Variants in IQSEC1 observed in about 807,000 individuals in gnomAD.
The protein encoded by IQSEC1 is IQ motif and Sec7 domain ArfGEF 1.
In IQSEC1, 31 loss-of-function variants were observed where a neutral mutation model predicts 91.0. That is an observed-to-expected ratio of 0.34 (90% CI 0.26 to 0.46). IQSEC1 has a LOEUF of 0.46. Ranked by LOEUF, IQSEC1 falls within the 20% of genes least tolerant of loss-of-function variation. The pLI is 1.00. For synonymous variants in IQSEC1, 699 were observed against 662.6 expected (o/e 1.05, Z -0.84); for missense variants, 1,388 against 1,575.6 (o/e 0.88, Z 2.02).
rs371424429 is a variant in IQSEC1, at chr3:13,045,804, C to G, written c.23+27188G>C. ...CTACAGGAGCCTCCTCAGCCTCCTTCCCTGGGGCCACCCTGACACAGGAAC... is the reference window on the plus strand; with the variant it reads ...CTACAGGAGCCTCCTCAGCCTCCTTGCCTGGGGCCACCCTGACACAGGAAC... On this transcript the variant is annotated intron_variant, in intron 1 of 13. Transcript: ENST00000613206. Among the ~76,000 whole-genome samples the G allele has an allele frequency of 1.3e-3, 197 of 152,334 alleles. 8 individuals carry two copies. In the South Asian group the frequency reaches 0.04, roughly 31 times the overall value.
chr3:13,029,414 T>C (rs756996347), intron 1 of IQSEC1, among the ~76,000 whole-genome samples: 5 of 152,242 alleles, frequency 3.3e-5, no homozygotes, highest in African/African-American at 4.8e-5. Context: ...AGCAGCTTTG[T>C]TCTGAGACAT....
At chr3:12,926,779 C>T (rs112329451) in intron 3 of IQSEC1, among the ~76,000 whole-genome samples, 15 of 152,334 alleles carry the variant, frequency 9.8e-5, no homozygotes, top group African/African-American at 2.4e-4. Flanking sequence ...CTGCAGACAC[C>T]GCATTTCCAT....
intron 1 of IQSEC1, among the ~76,000 whole-genome samples, chr3:13,049,489 T>C (rs87561): frequency 0.37 from 56,440 of 151,998 alleles, 11,481 homozygotes; most frequent in East Asian, 0.65. Flanking sequence ...CCTTATGAGG[T>C]ACATGGAATC....
chr3:13,135,940 T>C (rs1340834169), intron 2 of IQSEC1, among the ~76,000 whole-genome samples: 1 of 152,192 alleles, frequency 6.6e-6, no homozygotes, highest in Non-Finnish European at 1.5e-5. Context: ...GCGCAGGCCC[T>C]GCCCCAGGAC....
chr3:13,273,765 C>A (rs1483585225), intron 1 of IQSEC1, among the ~76,000 whole-genome samples: 2 of 152,196 alleles, frequency 1.3e-5, no homozygotes, highest in Non-Finnish European at 2.9e-5. Flanking sequence ...CCTCCAGGGA[C>A]TTCTGTCTCC....
intron 2 of IQSEC1, among the ~76,000 whole-genome samples, chr3:13,109,113 C>G (rs1434386063): frequency 6.6e-6 from 1 of 152,162 alleles, no homozygotes; most frequent in Non-Finnish European, 1.5e-5. Context: ...CAGAATGACT[C>G]TCACTGGGGA....
intron 1 of IQSEC1, among the ~76,000 whole-genome samples, chr3:13,254,324 G>A (rs77731997): frequency 0.022 from 3,324 of 152,280 alleles, 49 homozygotes; most frequent in South Asian, 0.063. Context: ...AGGTGCCCAG[G>A]CTGGACACGG....
At chr3:13,069,470 C>G (rs456667) in intron 1 of IQSEC1, among the ~76,000 whole-genome samples, 78,323 of 152,028 alleles carry the variant, frequency 0.52, 20,416 homozygotes, top group East Asian at 0.66. Flanking sequence ...ACCAGGGCTT[C>G]GCTTCCTTCA....
chr3:12,932,255 T>A (rs1288921476), intron 3 of IQSEC1, among the ~76,000 whole-genome samples: 1 of 152,184 alleles, frequency 6.6e-6, no homozygotes, highest in Non-Finnish European at 1.5e-5. Flanking sequence ...CAGGGCTGCA[T>A]GGCGTCCCAC....
intron 1 of IQSEC1, among the ~76,000 whole-genome samples, chr3:12,964,889 C>A (rs1264812725): frequency 6.6e-6 from 1 of 152,238 alleles, no homozygotes; most frequent in African/African-American, 2.4e-5. Context: ...CTGTCCAATA[C>A]TGTCCAGAAA....
rs535171081 is a variant in IQSEC1 at position 12,900,467 on chromosome 3, A to T, written c.*516T>A. 6.1e-6 allele frequency: 4 copies of T among 658,894 alleles called. No individual in the cohort carries two copies. The highest frequency in any genetic ancestry group is 2.0e-5 in the African/African-American group (1 of 49,856). The allele number at this position is 658,894 out of a possible 1,614,324, so 40.8% of individuals were successfully genotyped here. A position where few individuals can be genotyped will look rare whatever the true frequency, so the allele number is the denominator to read the frequency against. On this transcript the variant is annotated 3_prime_UTR_variant, in exon 14 of 14. Transcript: ENST00000613206. ...ACCTATACAGTATATATATATATATATTTATATATTTATATATTTATATAA... is the reference window on the plus strand; with the variant it reads ...ACCTATACAGTATATATATATATATTTTTATATATTTATATATTTATATAA...
chr3:13,072,997 G>T lies in IQSEC1; in HGVS notation c.18C>A (p.Arg6=). 1 of 1,551,642 alleles carries T rather than the reference G, an allele frequency of 6.4e-7. No homozygotes were observed. Residue 6 remains arginine (R), a synonymous_variant, in exon 1 of 14, where the codon CGC becomes CGA. Coordinates refer to ENST00000613206, the MANE Select transcript of IQSEC1 (RefSeq NM_001134382.3). MACRR[R]YFVEGEAPSS... is the part of the protein sequence containing the mutation. Reference sequence around the variant, plus strand: ...AACCTGCCACATATACTCACAAATAGCGTCTTCTGCAAGCCATCCTGTGTG... The same window carrying T: ...AACCTGCCACATATACTCACAAATATCGTCTTCTGCAAGCCATCCTGTGTG...
At chr3:13,081,727 A>G (rs1187476952) in intron 2 of IQSEC1, among the ~76,000 whole-genome samples, 1 of 152,246 alleles carries the variant, frequency 6.6e-6, no homozygotes, top group Non-Finnish European at 1.5e-5. Flanking sequence ...TGCAGGGACC[A>G]GTGCACGGGG....
chr3:12,905,983 A>T (rs1022191025), intron 12 of IQSEC1, among the ~76,000 whole-genome samples: 4 of 152,144 alleles, frequency 2.6e-5, no homozygotes, highest in African/African-American at 9.7e-5. Context: ...CAGGGCTGAG[A>T]CGCCAGGCAA....
chr3:13,279,797 G>A (rs1695755457), intron 1 of IQSEC1, among the ~76,000 whole-genome samples: 1 of 152,186 alleles, frequency 6.6e-6, no homozygotes, highest in African/African-American at 2.4e-5. Flanking sequence ...AGAGTCCTCA[G>A]CAGGAAGTCA....
Position 12,992,251 on chromosome 3 carries a change from G to A in IQSEC1, c.24-50386C>T, listed in dbSNP as rs530724868. Among the ~76,000 whole-genome samples, 27 of 150,912 alleles carry A rather than the reference G, an allele frequency of 1.8e-4. No homozygotes were observed. The South Asian group carries it at 2.9e-3, about 16-fold the overall frequency. On this transcript the variant is annotated intron_variant, in intron 1 of 13. Coordinates refer to ENST00000613206, the MANE Select transcript of IQSEC1 (RefSeq NM_001134382.3). The surrounding 1 kb of genome is among the most constrained non-coding windows in gnomAD (Gnocchi z 4.1). ...ATCTCTAACACAGTAGGGTGGCTCC[G>A]GGATGCTCCCTCCGGCACTGATGCT...
At position 12,935,985 on chromosome 3, in the gene IQSEC1, C is replaced by T. The variant is rs776840677; in HGVS notation, c.1031G>A (p.Ser344Asn). 8 of 1,599,520 alleles carry T rather than the reference C, an allele frequency of 5.0e-6. No individual in the cohort carries two copies. The African/African-American group carries it at 1.1e-4, about 21-fold the overall frequency. ...CTCCAGCGACGGCGTGCTCCGGCAG[C>T]TCGTGTCCGTGTCAGCCTTGTCCTC... ...HKEDKADTDT[S>N]CRSTPSLERQ... Residue 344 changes from serine (S) to asparagine (N), a missense_variant, in exon 3 of 14, where the codon AGC becomes AAC. By Grantham distance (46) the Ser-to-Asn change is conservative. Coordinates refer to ENST00000613206, the MANE Select transcript of IQSEC1 (RefSeq NM_001134382.3). This position sits in a 1 kb window ranked among gnomAD's most constrained non-coding sequence, Gnocchi z 8.0.
chr3:12,984,815 A>ATTTT (rs767194681), intron 1 of IQSEC1, among the ~76,000 whole-genome samples: 23 of 102,210 alleles, frequency 2.3e-4, no homozygotes, highest in Non-Finnish European at 3.0e-4. Flanking sequence ...AAGCAATTAC[A>ATTTT]TTTTTTTTTT....
intron 2 of IQSEC1, among the ~76,000 whole-genome samples, chr3:13,145,064 A>AGC (rs1405845782): frequency 6.6e-6 from 1 of 152,190 alleles, no homozygotes; most frequent in Non-Finnish European, 1.5e-5. Context: ...AGCACCCATG[A>AGC]GCTGCTTCCA....
Sources: allele counts gnomAD v4.1 joint callset (sites outside exome capture counted in the v4.1 genomes callset), GRCh38; gene constraint gnomAD v4.1.1; non-coding constraint Gnocchi (gnomAD v3.1); transcripts MANE v1.5; gene names NCBI Gene and HGNC (gene_info 2026-07-23, HGNC 2026-07-21).